The following MYO16 variants were observed in gnomAD, a reference collection of about 807,000 sequenced individuals.
MYO16 encodes the protein unconventional myosin-XVI.
In MYO16, 94 loss-of-function variants were observed where a neutral mutation model predicts 205.3. The observed-to-expected ratio is 0.46, with a 90% CI of 0.39 to 0.54. MYO16 has a LOEUF of 0.54. MYO16 is among the 20% of genes least tolerant of loss of function. The pLI is 0.00. For missense variants in MYO16, 2,315 were observed against 2,387.5 expected (o/e 0.97, Z 0.63); for synonymous variants, 988 against 954.0 (o/e 1.04, Z -0.66).
At chr13:108,753,405 A>G (rs1885318814) in intron 4 of MYO16, among the ~76,000 whole-genome samples, 1 of 147,632 alleles carries the variant, frequency 6.8e-6, no homozygotes, top group Non-Finnish European at 1.5e-5. Context: ...ACAATAAAAT[A>G]TAACCCTGTT....
chr13:108,810,783 A>G (rs1445334638), intron 7 of MYO16, among the ~76,000 whole-genome samples: 2 of 152,160 alleles, frequency 1.3e-5, no homozygotes, highest in Non-Finnish European at 2.9e-5. Flanking sequence ...CAGTAATTTC[A>G]CTCTTATAAA....
At chr13:108,560,662 CTG>C in the MYO16 span, among the ~76,000 whole-genome samples, 5 of 152,168 alleles carry the variant, frequency 3.3e-5, no homozygotes, top group African/African-American at 1.2e-4. Flanking sequence ...TGAAGTTAAA[CTG>C]GTGTTATTTG....
At chr13:108,504,204 C>T in the MYO16 span, among the ~76,000 whole-genome samples, 1 of 152,184 alleles carries the variant, frequency 6.6e-6, no homozygotes, top group African/African-American at 2.4e-5. Context: ...TCACTGCAAC[C>T]TTCGCCTCCG....
the MYO16 span, among the ~76,000 whole-genome samples, chr13:108,503,117 T>C: frequency 3.9e-5 from 6 of 152,212 alleles, no homozygotes; most frequent in East Asian, 7.7e-4. Context: ...GGATGATATA[T>C]GGGGTTTCCC....
chr13:108,875,342 A>G (rs1879273108), intron 12 of MYO16, among the ~76,000 whole-genome samples: 1 of 152,210 alleles, frequency 6.6e-6, no homozygotes, highest in South Asian at 2.1e-4. Flanking sequence ...TAACCAATAA[A>G]AAAGTTAGAT....
intron 4 of MYO16, among the ~76,000 whole-genome samples, chr13:108,779,066 G>T (rs1254058286): frequency 6.6e-6 from 1 of 152,188 alleles, no homozygotes; most frequent in East Asian, 1.9e-4. Context: ...CAAGACACTT[G>T]CTTCAGTTTA....
In MYO16 at chr13:109,125,076, T is replaced by A. The variant is rs768134568; in HGVS notation, c.3536-36T>A. Reference sequence around the variant, plus strand: ...TGTGCATGTCTGAGTTTTTCACTTTTCCTCCATTTACTAACCCATGATCCT... The same window carrying A: ...TGTGCATGTCTGAGTTTTTCACTTTACCTCCATTTACTAACCCATGATCCT... On this transcript the variant is annotated intron_variant, in intron 29 of 34. Transcript: ENST00000457511. This position sits in a 1 kb window ranked among gnomAD's most constrained non-coding sequence, Gnocchi z 4.0. The A allele has an allele frequency of 4.4e-6, 7 of 1,603,202 alleles. No homozygotes were observed. The South Asian group carries it at 7.8e-5, about 18-fold the overall frequency.
intron 5 of MYO16, among the ~76,000 whole-genome samples, chr13:108,790,276 A>C (rs1007799136): frequency 1.3e-5 from 2 of 152,230 alleles, no homozygotes; most frequent in Non-Finnish European, 2.9e-5. Context: ...AGGGAAGTTA[A>C]GTTAGGGTTC....
chr13:108,510,667 C>G, the MYO16 span, among the ~76,000 whole-genome samples: 1 of 42,176 alleles, frequency 2.4e-5, no homozygotes, highest in Non-Finnish European at 4.4e-5. Flanking sequence ...TATTCCCCTT[C>G]CTGTGTCCAT....
intron 23 of MYO16, among the ~76,000 whole-genome samples, chr13:109,044,701 G>T (rs1466911784): frequency 6.6e-6 from 1 of 152,132 alleles, no homozygotes; most frequent in Non-Finnish European, 1.5e-5. Context: ...CACACTATTT[G>T]TAACCCCTTA....
intron 22 of MYO16, among the ~76,000 whole-genome samples, chr13:109,018,703 C>T (rs1287474375): frequency 1.3e-5 from 2 of 152,200 alleles, no homozygotes; most frequent in Non-Finnish European, 2.9e-5. Flanking sequence ...GGGAGTACCC[C>T]GATTTTCCTG....
the MYO16 span, among the ~76,000 whole-genome samples, chr13:108,557,036 C>G: frequency 6.6e-6 from 1 of 152,004 alleles, no homozygotes; most frequent in Non-Finnish European, 1.5e-5. Flanking sequence ...TTACCATAGC[C>G]GCCTATTATT....
the MYO16 span, among the ~76,000 whole-genome samples, chr13:108,564,372 T>G: frequency 6.6e-6 from 1 of 152,150 alleles, no homozygotes; most frequent in African/African-American, 2.4e-5. Flanking sequence ...GGTTTCGCCA[T>G]GCTGGTCAGT....
At chr13:108,820,507 G>A in intron 8 of MYO16, 95 bp downstream of exon 8, 1 of 973,428 alleles carries the variant, frequency 1.0e-6, no homozygotes, top group Admixed American at 2.0e-5. Flanking sequence ...TACAAAGTGA[G>A]AGCTGGACAT....
chr13:108,553,339 G>A, the MYO16 span, among the ~76,000 whole-genome samples: 3 of 152,054 alleles, frequency 2.0e-5, no homozygotes, highest in African/African-American at 7.2e-5. Context: ...TTTTACAGGG[G>A]ACAAACATTC....
At chr13:108,718,642 G>A (rs1325942914) in intron 3 of MYO16, among the ~76,000 whole-genome samples, 1 of 152,046 alleles carries the variant, frequency 6.6e-6, no homozygotes, top group Non-Finnish European at 1.5e-5. Flanking sequence ...CCTGTCGCTG[G>A]CAAACAGGCA....
chr13:108,785,861 T>C, intron 5 of MYO16, 118 bp downstream of exon 5: 1 of 636,734 alleles, frequency 1.6e-6, no homozygotes. Flanking sequence ...GCACGTGGTG[T>C]AGAAGATGGT....
rs1887957580 is a variant in MYO16 at position 109,072,595 on chromosome 13, A to ACACT, written c.3335+17003_3335+17004insTCAC. The stretch of plus-strand genomic sequence containing the variant: ...ATTAAACACACACACACACACACAC[A>ACACT]CACACACTCACACACTCTCACACAA... On this transcript the variant is annotated intron_variant, in intron 27 of 34. Coordinates refer to ENST00000457511, the MANE Select transcript of MYO16 (RefSeq NM_001198950.3). 2.0e-5 allele frequency among the ~76,000 whole-genome samples: 3 copies of ACACT among 151,284 alleles called. No individual in the cohort carries two copies. The South Asian group carries it at 6.3e-4, about 32-fold the overall frequency.
chr13:108,836,335 G>C (rs543970763), intron 9 of MYO16, among the ~76,000 whole-genome samples: 2 of 152,320 alleles, frequency 1.3e-5, no homozygotes, highest in East Asian at 3.9e-4. Context: ...AGACTTCAGA[G>C]GATGTATGGA....
Sources: gnomAD v4.1 joint callset for allele counts (sites outside exome capture counted in the v4.1 genomes callset) on GRCh38, gnomAD v4.1.1 for gene constraint, Gnocchi (gnomAD v3.1) non-coding constraint, MANE v1.5 for transcripts, NCBI Gene and HGNC (gene_info 2026-07-23, HGNC 2026-07-21) for gene names.